CNTN6: variants seen among roughly 807,000 people sequenced by gnomAD.
CNTN6 encodes contactin 6.
A neutral mutation model predicts 122.8 loss-of-function variants in CNTN6; 137 were observed. That is an observed-to-expected ratio of 1.12 (90% CI 0.97 to 1.29). The LOEUF (loss-of-function observed/expected upper bound fraction) is 1.29. Ranked by LOEUF, CNTN6 falls within the 50% of genes most tolerant of loss-of-function variation. CNTN6 has a pLI of 0.00. For synonymous variants in CNTN6, 570 were observed against 426.0 expected (o/e 1.34, Z -4.16); for missense variants, 1,634 against 1,223.4 (o/e 1.34, Z -5.01).
At chr3:1,283,104 C>T (rs1575547451) in intron 5 of CNTN6, among the ~76,000 whole-genome samples, 1 of 152,198 alleles carries the variant, frequency 6.6e-6, no homozygotes, top group South Asian at 2.1e-4. Flanking sequence ...TCCTGTGTAG[C>T]TGGGACTACA....
intron 2 of CNTN6, among the ~76,000 whole-genome samples, chr3:1,210,595 T>C (rs2094023328): frequency 6.6e-6 from 1 of 152,154 alleles, no homozygotes; most frequent in South Asian, 2.1e-4. Flanking sequence ...TTTATAGTAC[T>C]GAAAGTATGC....
chr3:1,338,525 C>T (rs935116752), intron 11 of CNTN6, among the ~76,000 whole-genome samples: 6 of 152,054 alleles, frequency 3.9e-5, no homozygotes, highest in Non-Finnish European at 8.8e-5. Flanking sequence ...TCTGTTCCAC[C>T]CCAGAACTTT....
At position 1,373,633 on chromosome 3, in the gene CNTN6, G is replaced by A; in HGVS notation, c.1816G>A (p.Val606Met). The A allele has an allele frequency of 3.1e-6, 5 of 1,612,596 alleles. No individual in the cohort carries two copies. The highest frequency in any genetic ancestry group is 4.2e-6 in the Non-Finnish European group (5 of 1,179,120). ...GPPGPPEDVQ[V>M]EDISSTTSQL... ...ACCAGGTCCTCCTGAGGATGTGCAA[G>A]TGGAAGACATTTCCAGTACTACTTC... is the stretch of plus-strand genomic sequence containing the variant. Residue 606 changes from valine (V) to methionine (M), a missense_variant, in exon 15 of 23, where the codon GTG becomes ATG. Transcript: ENST00000446702.
At chr3:1,097,722 G>A (rs974871369) in intron 1 of CNTN6, among the ~76,000 whole-genome samples, 1 of 152,044 alleles carries the variant, frequency 6.6e-6, no homozygotes, top group Non-Finnish European at 1.5e-5. Flanking sequence ...GAATTCAGCA[G>A]GTAAATATGT....
intron 1 of CNTN6, among the ~76,000 whole-genome samples, chr3:1,122,552 C>A (rs538783097): frequency 1.3e-5 from 2 of 150,346 alleles, no homozygotes; most frequent in Admixed American, 6.7e-5. Context: ...AAAACATTTG[C>A]ATCAATCCAA....
rs148713275 is a variant in CNTN6 at position 1,345,472 on chromosome 3, A to G, written c.1365-6852A>G. On this transcript the variant is annotated intron_variant, in intron 11 of 22. Transcript: ENST00000446702. ...TAAAATGATGGAAAGGACAACCTTT[A>G]TTTTGATTTAAATGAGCAAACTTTG... Among the ~76,000 whole-genome samples, 508 of 152,276 alleles carry G rather than the reference A, an allele frequency of 3.3e-3. 9 individuals carry two copies. The highest frequency in any genetic ancestry group is 0.024 in the South Asian group (118 of 4,828).
chr3:1,243,781 G>A (rs1442223647), intron 4 of CNTN6, among the ~76,000 whole-genome samples: 2 of 152,290 alleles, frequency 1.3e-5, no homozygotes, highest in East Asian at 3.9e-4. Flanking sequence ...CGGGTGTGAG[G>A]AGGGGAGGCT....
intron 1 of CNTN6, among the ~76,000 whole-genome samples, chr3:1,132,687 A>AAATAAATAAATAAAT: frequency 6.6e-6 from 1 of 151,678 alleles, no homozygotes; most frequent in Non-Finnish European, 1.5e-5. Context: ...ATAAATAAAT[A>AAATAAATAAATAAAT]AATAACGTGA....
In CNTN6 at chr3:1,313,686, T is replaced by C. The variant is rs182776684; in HGVS notation, c.762-7964T>C. 8.5e-5 allele frequency among the ~76,000 whole-genome samples: 13 copies of C among 152,234 alleles called. No homozygotes were observed. The East Asian group carries it at 2.5e-3, about 29-fold the overall frequency. On this transcript the variant is annotated intron_variant, in intron 7 of 22. Coordinates refer to ENST00000446702, the MANE Select transcript of CNTN6 (RefSeq NM_001289080.2). ...GATGTCCTCCCCAAGGGAAAGCTGATATAGGCATCATCTTATTCCCATTGG... is the reference window on the plus strand; with the variant it reads ...GATGTCCTCCCCAAGGGAAAGCTGACATAGGCATCATCTTATTCCCATTGG...
At chr3:1,248,693 G>A (rs34220417) in intron 4 of CNTN6, among the ~76,000 whole-genome samples, 44,843 of 151,648 alleles carry the variant, frequency 0.3, 6,702 homozygotes, top group African/African-American at 0.33. Context: ...GGTGGTGGGC[G>A]CCTGTAATCC....
chr3:1,166,686 C>G (rs1408418636), intron 2 of CNTN6, among the ~76,000 whole-genome samples: 1 of 152,072 alleles, frequency 6.6e-6, no homozygotes, highest in Non-Finnish European at 1.5e-5. Flanking sequence ...ATATACACCA[C>G]AGAATACTAT....
rs747867985 is a variant in CNTN6 at position 1,094,852 on chromosome 3, A to G, written c.-83+1732A>G. ...TTTATGTGAGGAGAAGGAATACAAA[A>G]TATTTGCTTATTTATTCACTGTTTA... On this transcript the variant is annotated intron_variant, in intron 1 of 22. Transcript: ENST00000446702. Among the ~76,000 whole-genome samples the G allele has an allele frequency of 5.9e-4, 90 of 152,116 alleles. 1 individual carries two copies. Among genetic ancestry groups the G allele is most frequent in the Non-Finnish European group, 1.9e-4 (13 of 68,004 alleles).
chr3:1,321,209 C>T (rs1268591071), intron 7 of CNTN6, among the ~76,000 whole-genome samples: 1 of 151,630 alleles, frequency 6.6e-6, no homozygotes, highest in Non-Finnish European at 1.5e-5. Context: ...ATAAAGCCTG[C>T]CTAGTCTTAA....
At chr3:1,176,601 A>T (rs970295705) in intron 2 of CNTN6, among the ~76,000 whole-genome samples, 2 of 152,210 alleles carry the variant, frequency 1.3e-5, no homozygotes, top group African/African-American at 2.4e-5. Flanking sequence ...GGAAAAATTT[A>T]TAACTCTTGA....
intron 1 of CNTN6, among the ~76,000 whole-genome samples, chr3:1,117,560 C>T (rs1388895169): frequency 6.6e-6 from 1 of 152,104 alleles, no homozygotes; most frequent in Non-Finnish European, 1.5e-5. Flanking sequence ...AAATTGGGAA[C>T]TTTAATTTGT....
chr3:1,385,746 G>T lies in CNTN6; in HGVS notation c.2653G>T (p.Ala885Ser). 6.2e-7 allele frequency: 1 copy of T among 1,614,006 alleles called. No individual in the cohort carries two copies. Among genetic ancestry groups the T allele is most frequent in the African/African-American group, 1.3e-5 (1 of 75,038 alleles). The stretch of plus-strand genomic sequence containing the variant: ...TGCTTCCGTAAGAGCTTACAACACT[G>T]CTGGGACAGGGCCCTCAAGCCCCCC... ...YFASVRAYNT[A>S]GTGPSSPPVN... Residue 885 changes from alanine (A) to serine (S), a missense_variant, in exon 20 of 23, where the codon GCT becomes TCT. Ala to Ser is a moderately conservative substitution (Grantham distance 99). Coordinates refer to ENST00000446702, the MANE Select transcript of CNTN6 (RefSeq NM_001289080.2).
intron 2 of CNTN6, among the ~76,000 whole-genome samples, chr3:1,192,908 T>G (rs1336149855): frequency 2.6e-5 from 4 of 152,182 alleles, no homozygotes; most frequent in African/African-American, 9.6e-5. Flanking sequence ...ACTCCACGTA[T>G]TTGAACAACT....
chr3:1,312,261 TAC>T (rs1699451975), intron 7 of CNTN6, among the ~76,000 whole-genome samples: 2 of 151,922 alleles, frequency 1.3e-5, no homozygotes, highest in South Asian at 4.1e-4. Context: ...AGTGGATTGT[TAC>T]AGTGCTGTTT....
At chr3:1,237,912 C>A (rs1575361300) in intron 4 of CNTN6, among the ~76,000 whole-genome samples, 1 of 151,544 alleles carries the variant, frequency 6.6e-6, no homozygotes, top group East Asian at 2.0e-4. Flanking sequence ...AAATCTGAAA[C>A]AAATCTTCAA....
Sources: gnomAD v4.1 joint callset for allele counts (sites outside exome capture counted in the v4.1 genomes callset) on GRCh38, gnomAD v4.1.1 for gene constraint, MANE v1.5 for transcripts, NCBI Gene and HGNC (gene_info 2026-07-23, HGNC 2026-07-21) for gene names.